The following MYH7B variants were observed in gnomAD, a reference collection of about 807,000 sequenced individuals.
The protein encoded by MYH7B is myosin-7B.
Under a neutral mutation model 234.5 loss-of-function variants are expected in MYH7B, and 205 were observed. The ratio of observed to expected loss-of-function variants is 0.87; its 90% CI spans 0.78 to 0.98. The LOEUF is 0.98. MYH7B is among the 50% of genes least tolerant of loss of function. MYH7B has a pLI of 0.00. For missense variants in MYH7B, 2,652 were observed against 2,633.4 expected (o/e 1.01, Z -0.15); for synonymous variants, 1,193 against 1,105.0 (o/e 1.08, Z -1.58).
intron 24 of MYH7B, among the ~76,000 whole-genome samples, chr20:34,991,355 CTG>C (rs1313108047): frequency 6.6e-6 from 1 of 152,146 alleles, no homozygotes. Context: ...ACAGGCCTCG[CTG>C]ATAAGCTGGA....
intron 13 of MYH7B, 28 bp from the exon 14 acceptor site, chr20:34,986,072 A>G: frequency 6.5e-7 from 1 of 1,545,046 alleles, no homozygotes; most frequent in Non-Finnish European, 8.8e-7. Flanking sequence ...GGTGTGGGAG[A>G]TGGCAGGCCA....
intron 29 of MYH7B, 37 bp from the exon 30 acceptor site, chr20:34,996,576 T>C: frequency 1.2e-6 from 2 of 1,602,826 alleles, no homozygotes; most frequent in Non-Finnish European, 1.7e-6. Flanking sequence ...CCGGCTGGCT[T>C]GGGCCATGGC....
At chr20:34,957,082 A>C (rs1361461967) in intron 1 of MYH7B, among the ~76,000 whole-genome samples, 1 of 152,204 alleles carries the variant, frequency 6.6e-6, no homozygotes, top group Non-Finnish European at 1.5e-5. Flanking sequence ...CAGCGAAGGC[A>C]TATAATTCTG....
intron 43 of MYH7B, 107 bp from the exon 44 acceptor site, chr20:35,001,841 C>G (rs149710166): frequency 6.7e-7 from 1 of 1,502,038 alleles, no homozygotes; most frequent in Non-Finnish European, 8.9e-7. Flanking sequence ...GCAATAGGAA[C>G]AAAGTTGAGA....
chr20:34,985,218 C>T lies in MYH7B; in HGVS notation c.805+89C>T, dbSNP rs2081999579. 3.1e-6 allele frequency: 4 copies of T among 1,275,292 alleles called. No individual in the cohort carries two copies. In the African/African-American group the frequency reaches 4.4e-5, roughly 14 times the overall value. 79.0% of individuals were successfully genotyped at this position (1,275,292 alleles called of 1,614,324 possible). A position where few individuals can be genotyped will look rare whatever the true frequency, so the allele number is the denominator to read the frequency against. On this transcript the variant is annotated intron_variant, in intron 13 of 44. Coordinates refer to ENST00000262873, the Ensembl canonical transcript of MYH7B. ...CCTCTGTCATCACGACTTCTGGGCT[C>T]CTGCCTGCTCTGGGCACTTCTCTCT...
At chr20:34,968,868 G>A (rs370558960) in intron 2 of MYH7B, among the ~76,000 whole-genome samples, 6 of 152,228 alleles carry the variant, frequency 3.9e-5, no homozygotes, top group South Asian at 4.1e-4. Context: ...TGGCAGGGAG[G>A]CCAGCACACA....
At chr20:34,980,440 C>G (rs1391213302) in intron 7 of MYH7B, 138 bp from the exon 8 acceptor site, 3 of 742,914 alleles carry the variant, frequency 4.0e-6, no homozygotes, top group Non-Finnish European at 7.0e-6. Flanking sequence ...TCCTAGCTAC[C>G]CTGGGAGGCT....
At chr20:34,960,296 C>T (rs1207061283) in intron 2 of MYH7B, among the ~76,000 whole-genome samples, 8 of 152,094 alleles carry the variant, frequency 5.3e-5, no homozygotes, top group Non-Finnish European at 7.4e-5. Flanking sequence ...AGTGCAGTGG[C>T]GCCATCTTGG....
chr20:34,984,616 C>T (rs895374562), intron 10 of MYH7B, 76 bp from the exon 11 acceptor site: 20 of 1,398,232 alleles, frequency 1.4e-5, no homozygotes, highest in African/African-American at 5.8e-5. Context: ...CGCTGCCTCC[C>T]GCTGATACCC....
At chr20:34,993,173 T>G in exon 25 of MYH7B, 3 of 1,613,988 alleles carry the variant, frequency 1.9e-6, no homozygotes, top group Non-Finnish European at 2.5e-6. Context: ...ACAGAGAAAC[T>G]GCTGGGCTCG....
intron 10 of MYH7B, 67 bp downstream of exon 10, chr20:34,982,622 C>CT (rs541168287): frequency 0.051 from 51,499 of 1,012,636 alleles, no homozygotes; most frequent in South Asian, 0.055. Context: ...TTCTTCCTCT[C>CT]TTTTTTTTTT....
exon 30 of MYH7B, chr20:34,996,649 A>G (rs774167924): frequency 1.9e-6 from 3 of 1,613,188 alleles, no homozygotes; most frequent in Admixed American, 1.7e-5. Context: ...GAAGCTGCGC[A>G]TGGACACGGA....
intron 7 of MYH7B, chr20:34,980,194 GTTC>G (rs966437035): frequency 3.0e-6 from 1 of 337,128 alleles, no homozygotes; most frequent in African/African-American, 2.1e-5. Context: ...ATATCGCAGG[GTTC>G]TTCTGAAGAC....
In MYH7B at chr20:34,996,764, TGTG is replaced by T. The variant is rs530353979; in HGVS notation, c.3266+11_3266+13del. 1,165 of 1,607,844 alleles carry T rather than the reference TGTG, an allele frequency of 7.2e-4. 14 individuals are homozygous for T. The South Asian group carries it at 0.012, about 17-fold the overall frequency. ...CTGGAGGAGAAGCTCAAGAAGTAGGTGTGGTGGGGCAGCAGGTGGGGGCCTTCT... is the reference window on the plus strand; with the variant it reads ...CTGGAGGAGAAGCTCAAGAAGTAGGTGTGGGGCAGCAGGTGGGGGCCTTCT... On this transcript the variant is annotated splice_region_variant and intron_variant, in intron 30 of 44. Coordinates refer to ENST00000262873, the Ensembl canonical transcript of MYH7B.
chr20:35,000,245 C>T (rs956601527), intron 38 of MYH7B, 48 bp from the exon 39 acceptor site: 5 of 1,512,238 alleles, frequency 3.3e-6, no homozygotes, highest in Non-Finnish European at 4.4e-6. Context: ...TTTGTAAGGA[C>T]AGGTATGCCC....
rs1600451943 is a variant in MYH7B at position 34,991,129 on chromosome 20, A to C, written c.2183+8A>C. ...CACCGACTTCCGGCAGCGGTGGGTGACCCCTTCCCCCTGCCTGCTGCTCCA... is the reference window on the plus strand; with the variant it reads ...CACCGACTTCCGGCAGCGGTGGGTGCCCCCTTCCCCCTGCCTGCTGCTCCA... On this transcript the variant is annotated splice_region_variant and intron_variant, in intron 24 of 44. Coordinates refer to ENST00000262873, the Ensembl canonical transcript of MYH7B. The C allele has an allele frequency of 6.3e-7, 1 of 1,587,946 alleles. No homozygotes were observed.
At chr20:34,990,393 T>C in intron 22 of MYH7B, 83 bp downstream of exon 22, 1 of 1,480,614 alleles carries the variant, frequency 6.8e-7, no homozygotes, top group South Asian at 1.1e-5. Context: ...CCCCTGTGCC[T>C]TGGGCGGGCG....
chr20:34,990,836 A>C lies in MYH7B; in HGVS notation c.2065+11A>C. 6.2e-7 allele frequency: 1 copy of C among 1,613,998 alleles called. No individual in the cohort carries two copies. The highest frequency in any genetic ancestry group is 1.3e-5 in the African/African-American group (1 of 75,040). On this transcript the variant is annotated intron_variant, in intron 23 of 44. Coordinates refer to ENST00000262873, the Ensembl canonical transcript of MYH7B. ...AGAACAAAACCCCAGGTAGTCACCC[A>C]GGGCTGGCCTGGCTGGGGCCGGGAG...
intron 6 of MYH7B, 80 bp downstream of exon 6, chr20:34,979,576 G>T: frequency 6.2e-7 from 1 of 1,602,900 alleles, no homozygotes; most frequent in East Asian, 2.2e-5. Flanking sequence ...TGGTTGAAGG[G>T]GGTCTGGGTA....
Sources: gnomAD v4.1 joint callset for allele counts (sites outside exome capture counted in the v4.1 genomes callset) on GRCh38, gnomAD v4.1.1 for gene constraint, MANE v1.5 for transcripts, NCBI Gene and HGNC (gene_info 2026-07-23, HGNC 2026-07-21) for gene names.